Variants in EDNRB observed in about 807,000 individuals in gnomAD.
EDNRB encodes Hirschsprung disease 2.
In EDNRB, 18 loss-of-function variants were observed where a neutral mutation model predicts 46.4. The observed-to-expected ratio is 0.39, with a 90% CI of 0.27 to 0.57. EDNRB has a LOEUF of 0.57. Ranked by LOEUF, EDNRB falls within the 20% of genes least tolerant of loss-of-function variation. The probability of loss-of-function intolerance (pLI) is 0.61; values close to 1 mark genes in which losing one functional copy is unlikely to be tolerated. For missense variants in EDNRB, 434 were observed against 537.5 expected, an observed-to-expected ratio of 0.81 and a Z score of 1.90; for synonymous variants, 213 against 204.9, an observed-to-expected ratio of 1.04 and a Z score of -0.34.
chr13:77,919,786 G>T, upstream of EDNRB: 1 of 635,844 alleles, frequency 1.6e-6, no homozygotes, highest in Non-Finnish European at 2.7e-6. Flanking sequence ...AGAGTTCTAC[G>T]CTCTTCAAAT....
At chr13:77,919,008 T>C (rs1879972267), upstream of EDNRB, 1 of 760,756 alleles carries the variant, frequency 1.3e-6, no homozygotes, top group African/African-American at 1.8e-5. Context: ...TTAAGGCACC[T>C]AGAGGCCAAG....
intron 1 of EDNRB, among the ~76,000 whole-genome samples, chr13:77,943,374 T>G (rs1349733289): frequency 7.2e-5 from 11 of 152,112 alleles, no homozygotes; most frequent in Non-Finnish European, 1.2e-4. Flanking sequence ...GTTTCTCATA[T>G]ACTCATGCAT....
intron 1 of EDNRB, among the ~76,000 whole-genome samples, chr13:77,929,945 A>C (rs1880343176): frequency 6.6e-6 from 1 of 152,222 alleles, no homozygotes; most frequent in Non-Finnish European, 1.5e-5. Flanking sequence ...ATTTTTACTA[A>C]TATATGTTCT....
chr13:77,957,803 G>A (rs775727569), intron 1 of EDNRB, among the ~76,000 whole-genome samples: 3 of 152,236 alleles, frequency 2.0e-5, no homozygotes, highest in South Asian at 4.1e-4. Flanking sequence ...CAGCATTCAC[G>A]ACTTTGGGTA....
chr13:77,947,676 A>G (rs1388616485), intron 1 of EDNRB: 2 of 152,136 alleles, frequency 1.3e-5, no homozygotes, highest in Non-Finnish European at 2.9e-5. Context: ...CCCGATGACC[A>G]TAGTATGTTA....
intron 1 of EDNRB, among the ~76,000 whole-genome samples, chr13:77,946,040 G>A (rs796405638): frequency 1.6e-4 from 24 of 152,282 alleles, no homozygotes; most frequent in African/African-American, 4.8e-4. Flanking sequence ...TTACCATGCC[G>A]TGAATCCTGT....
intron 1 of EDNRB, among the ~76,000 whole-genome samples, chr13:77,972,726 A>C (rs1312828773): frequency 1.3e-5 from 2 of 152,244 alleles, no homozygotes; most frequent in Admixed American, 6.5e-5. Flanking sequence ...GGTGAAATTG[A>C]CTTGGTTATG....
In EDNRB at chr13:77,945,885, A is replaced by C. The variant is rs539817195; in HGVS notation, c.-51-27261T>G. ...AAGCCATGCAAAAAACCAAAAAAAA[A>C]AAAAAAAACAAAAAAAACACACAAT... On this transcript the variant is annotated intron_variant, in intron 1 of 7. Transcript: ENST00000646948. Among the ~76,000 whole-genome samples the C allele has an allele frequency of 1.7e-3, 263 of 151,564 alleles. 1 individual carries two copies. The highest frequency in any genetic ancestry group is 5.3e-3 in the African/African-American group (218 of 41,430).
chr13:77,902,895 A>C (rs1364200110), intron 3 of EDNRB, among the ~76,000 whole-genome samples: 1 of 151,988 alleles, frequency 6.6e-6, no homozygotes, highest in Non-Finnish European at 1.5e-5. Context: ...AGAAAGCTAT[A>C]AATTCACATC....
chr13:77,958,116 A>G (rs1881292825), intron 1 of EDNRB, among the ~76,000 whole-genome samples: 2 of 152,230 alleles, frequency 1.3e-5, no homozygotes, highest in African/African-American at 4.8e-5. Context: ...ATTACTCTAT[A>G]TTAGAATCAC....
chr13:77,909,485 C>T (rs184065150), intron 1 of EDNRB, among the ~76,000 whole-genome samples: 6 of 151,994 alleles, frequency 3.9e-5, no homozygotes, highest in Admixed American at 3.9e-4. Flanking sequence ...CCTGTTAATG[C>T]CAAAAGGAGT....
intron 1 of EDNRB, among the ~76,000 whole-genome samples, chr13:77,913,606 T>G (rs1245363236): frequency 6.6e-6 from 1 of 152,148 alleles, no homozygotes; most frequent in Non-Finnish European, 1.5e-5. Flanking sequence ...ATAAAGAGAG[T>G]TAATAAAATT....
intron 1 of EDNRB, among the ~76,000 whole-genome samples, chr13:77,947,158 A>G (rs1880946620): frequency 6.6e-6 from 1 of 152,254 alleles, no homozygotes; most frequent in African/African-American, 2.4e-5. Flanking sequence ...ATGACCACAT[A>G]TAAAGTAATA....
chr13:77,902,610 C>T (rs4884073), intron 3 of EDNRB, among the ~76,000 whole-genome samples: 25,902 of 151,824 alleles, frequency 0.17, 2,686 homozygotes, highest in East Asian at 0.53. Flanking sequence ...CCCACCACTC[C>T]AGCTCGTACC....
intron 1 of EDNRB, among the ~76,000 whole-genome samples, chr13:77,906,365 T>C (rs1473051062): frequency 6.6e-6 from 1 of 152,010 alleles, no homozygotes; most frequent in Admixed American, 6.6e-5. Flanking sequence ...ATTCAGACAA[T>C]ATTCTGCTAT....
intron 1 of EDNRB, among the ~76,000 whole-genome samples, chr13:77,972,340 G>A (rs1434418191): frequency 6.6e-6 from 1 of 152,188 alleles, no homozygotes. Flanking sequence ...TTTTAACCAG[G>A]CATTTGCATC....
intron 1 of EDNRB, among the ~76,000 whole-genome samples, chr13:77,904,576 T>C (rs1319319170): frequency 6.6e-6 from 1 of 151,810 alleles, no homozygotes; most frequent in African/African-American, 2.4e-5. Flanking sequence ...ATTGCTATTA[T>C]AGATATATAT....
At chr13:77,963,588 T>A (rs1237860907) in intron 1 of EDNRB, among the ~76,000 whole-genome samples, 1 of 152,084 alleles carries the variant, frequency 6.6e-6, no homozygotes, top group Non-Finnish European at 1.5e-5. Flanking sequence ...TGAAACTGGA[T>A]CCCTTCCTTA....
At chr13:77,942,845 T>A (rs979773541) in intron 1 of EDNRB, among the ~76,000 whole-genome samples, 1 of 152,188 alleles carries the variant, frequency 6.6e-6, no homozygotes, top group Non-Finnish European at 1.5e-5. Context: ...TTCTAAATTA[T>A]ATAGGCTTTT....
Sources: allele counts gnomAD v4.1 joint callset (sites outside exome capture counted in the v4.1 genomes callset), GRCh38; gene constraint gnomAD v4.1.1; transcripts MANE v1.5; gene names NCBI Gene and HGNC (gene_info 2026-07-23, HGNC 2026-07-21).